RNF149: variants seen among roughly 807,000 people sequenced by gnomAD.
RNF149 encodes the protein ring finger protein 149.
A neutral mutation model predicts 39.0 loss-of-function variants in RNF149; 21 were observed. That is an observed-to-expected ratio of 0.54 (90% CI 0.38 to 0.77). The LOEUF (loss-of-function observed/expected upper bound fraction) is 0.77. Among genes scored for constraint, RNF149 ranks in the 30% least tolerant of loss-of-function variants. The pLI, the probability that RNF149 is intolerant of heterozygous loss-of-function variation, is 0.00. For missense variants in RNF149, 493 were observed against 534.9 expected, an observed-to-expected ratio of 0.92 and a Z score of 0.77; for synonymous variants, 209 against 213.6, an observed-to-expected ratio of 0.98 and a Z score of 0.19.
At chr2:101,275,431 CTTTTTTTTT>C (rs59154104), downstream of RNF149, among the ~76,000 whole-genome samples, 3 of 26,580 alleles carry the variant, frequency 1.1e-4, no homozygotes, top group Non-Finnish European at 1.9e-4. Flanking sequence ...CCTAGTATTT[CTTTTTTTTT>C]TTTTTTTTTT....
At chr2:101,301,085 A>G (rs1390038439) in intron 1 of RNF149, among the ~76,000 whole-genome samples, 1 of 152,204 alleles carries the variant, frequency 6.6e-6, no homozygotes, top group Non-Finnish European at 1.5e-5. Flanking sequence ...TGACAGAGAA[A>G]AAGCCCTTAG....
Position 101,286,196 on chromosome 2 carries a change from T to C in RNF149, c.864-19A>G. On this transcript the variant is annotated intron_variant, in intron 4 of 6. Transcript: ENST00000295317. Reference sequence around the variant, plus strand: ...AATATGCCTAAAAAGATTAAGTATGTGTTAATGTTTTTAAAATCAATGTTT... The same window carrying C: ...AATATGCCTAAAAAGATTAAGTATGCGTTAATGTTTTTAAAATCAATGTTT... 1 of 1,382,120 alleles carries C rather than the reference T, an allele frequency of 7.2e-7. No individual in the cohort carries two copies. The highest frequency in any genetic ancestry group is 1.0e-6 in the Non-Finnish European group (1 of 974,086). 85.6% of individuals were successfully genotyped at this position (1,382,120 alleles called of 1,614,324 possible). A position where few individuals can be genotyped will look rare whatever the true frequency, so the allele number is the denominator to read the frequency against.
intron 1 of RNF149, among the ~76,000 whole-genome samples, chr2:101,307,123 G>C (rs781208865): frequency 6.6e-6 from 1 of 152,216 alleles, no homozygotes; most frequent in African/African-American, 2.4e-5. Context: ...ACTGCCTGAA[G>C]ATACAACCTG....
At chr2:101,291,531 C>A (rs528188048) in intron 3 of RNF149, among the ~76,000 whole-genome samples, 1 of 152,178 alleles carries the variant, frequency 6.6e-6, no homozygotes, top group South Asian at 2.1e-4. Context: ...GATCCTCCTG[C>A]CTCAGTCTCC....
At position 101,281,888 on chromosome 2, in the gene RNF149, C is replaced by T; in HGVS notation, c.1130G>A (p.Gly377Glu). Residue 377 changes from glycine (G) to glutamate (E), a missense_variant, in exon 6 of 7, where the codon GGA becomes GAA. Gly to Glu is a moderately conservative substitution (Grantham distance 98). Coordinates refer to ENST00000295317, the MANE Select transcript of RNF149 (RefSeq NM_173647.4). ...SEPQCDPSFK[G>E]DAGENTALLE... ...CAATGCCGTATTTTCTCCTGCATCT[C>T]CTTTAAAGCTGGGATCACACTGTGG... 1 of 1,614,068 alleles carries T rather than the reference C, an allele frequency of 6.2e-7. No homozygotes were observed. The highest frequency in any genetic ancestry group is 8.5e-7 in the Non-Finnish European group (1 of 1,180,028).
At chr2:101,295,250 A>G in intron 1 of RNF149, 69 bp from the exon 2 acceptor site, 1 of 1,328,634 alleles carries the variant, frequency 7.5e-7, no homozygotes, top group Non-Finnish European at 1.1e-6. Flanking sequence ...TAAATTAAAT[A>G]TAAGGGTACT....
At chr2:101,304,255 G>C (rs1382650976) in intron 1 of RNF149, among the ~76,000 whole-genome samples, 1 of 152,100 alleles carries the variant, frequency 6.6e-6, no homozygotes, top group Non-Finnish European at 1.5e-5. Flanking sequence ...AAATTAGCCA[G>C]ACACGGTGGC....
At chr2:101,288,612 C>T (rs1682885380) in intron 4 of RNF149, 1 of 180,070 alleles carries the variant, frequency 5.6e-6, no homozygotes, top group Non-Finnish European at 1.2e-5. Context: ...TTCCCTTAGG[C>T]TGTTTCAGGC....
intron 1 of RNF149, among the ~76,000 whole-genome samples, chr2:101,298,065 A>G (rs978901687): frequency 2.6e-5 from 4 of 152,230 alleles, no homozygotes; most frequent in Non-Finnish European, 5.9e-5. Context: ...CTAAAAGTCC[A>G]TATCTCTTTG....
At chr2:101,307,651 G>C (rs1683720655) in intron 1 of RNF149, among the ~76,000 whole-genome samples, 1 of 152,138 alleles carries the variant, frequency 6.6e-6, no homozygotes, top group Non-Finnish European at 1.5e-5. Flanking sequence ...ACTCAGTTTA[G>C]AATATTCAGA....
chr2:101,305,702 G>A (rs371495969), intron 1 of RNF149, among the ~76,000 whole-genome samples: 1 of 152,144 alleles, frequency 6.6e-6, no homozygotes, highest in Non-Finnish European at 1.5e-5. Context: ...TGGGGTGAGG[G>A]GGGTATGAAC....
chr2:101,276,892 G>C lies in RNF149; in HGVS notation c.*346C>G. The stretch of plus-strand genomic sequence containing the variant: ...ATTGATGTGCTTTGCCAAAAACCTT[G>C]AAAAATAGAATTAACTGGTTTTTAC... On this transcript the variant is annotated 3_prime_UTR_variant, in exon 7 of 7. Transcript: ENST00000295317. The C allele has an allele frequency of 9.8e-7, 1 of 1,024,468 alleles. No individual in the cohort carries two copies. Among genetic ancestry groups the C allele is most frequent in the African/African-American group, 1.7e-5 (1 of 58,002 alleles). 63.5% of individuals were successfully genotyped at this position (1,024,468 alleles called of 1,614,324 possible).
chr2:101,291,837 A>AT (rs1558786468), intron 3 of RNF149, among the ~76,000 whole-genome samples: 1 of 152,196 alleles, frequency 6.6e-6, no homozygotes, highest in Admixed American at 6.5e-5. Flanking sequence ...AAGAAAACAC[A>AT]TTTTTTTGTA....
chr2:101,288,136 TAC>T (rs958863338), intron 4 of RNF149, among the ~76,000 whole-genome samples: 2 of 151,928 alleles, frequency 1.3e-5, no homozygotes, highest in African/African-American at 4.8e-5. Context: ...TAGCTGGGAT[TAC>T]AGTCATGAGC....
chr2:101,277,293 C>A lies in RNF149; in HGVS notation c.1160-12G>T, dbSNP rs374009738. ...ACTCCTGCCGGCTTCTGCAAGAGAG[C>A]AACATAAGCTACTCCATCAGAAGAG... On this transcript the variant is annotated splice_polypyrimidine_tract_variant and intron_variant, in intron 6 of 6. Coordinates refer to ENST00000295317, the MANE Select transcript of RNF149 (RefSeq NM_173647.4). 9.3e-6 allele frequency: 15 copies of A among 1,611,080 alleles called. No homozygotes were observed. The highest frequency in any genetic ancestry group is 1.3e-5 in the Non-Finnish European group (15 of 1,178,530).
chr2:101,298,358 G>C (rs1424385750), intron 1 of RNF149, among the ~76,000 whole-genome samples: 1 of 152,170 alleles, frequency 6.6e-6, no homozygotes, highest in Admixed American at 6.5e-5. Context: ...CTAGGAGGCA[G>C]AGGTTGCAGT....
In RNF149 at chr2:101,276,231, A is replaced by C. The variant is rs1682339303; in HGVS notation, c.*1007T>G. 9.1e-6 allele frequency: 9 copies of C among 985,206 alleles called. No homozygotes were observed. The highest frequency in any genetic ancestry group is 1.1e-5 in the Non-Finnish European group (9 of 829,850). 61.0% of individuals were successfully genotyped at this position (985,206 alleles called of 1,614,324 possible). On this transcript the variant is annotated 3_prime_UTR_variant, in exon 7 of 7. Transcript: ENST00000295317. ...CCTCCAAGAAGTGAAAAAATAGCAG[A>C]GTGTGTGTTTAATCACTTTTTAACA...
Position 101,276,151 on chromosome 2 carries a change from A to G in RNF149, c.*1087T>C. ...AAGATATACAGAATAACTAGGAGCA[A>G]GGAAAGACTATAATTCCACACTCTA... On this transcript the variant is annotated 3_prime_UTR_variant, in exon 7 of 7. Transcript: ENST00000295317. The G allele has an allele frequency of 3.1e-6, 3 of 973,668 alleles. No individual in the cohort carries two copies. Among genetic ancestry groups the G allele is most frequent in the Non-Finnish European group, 3.7e-6 (3 of 819,170 alleles). 60.3% of individuals were successfully genotyped at this position (973,668 alleles called of 1,614,324 possible). A position where few individuals can be genotyped will look rare whatever the true frequency, so the allele number is the denominator to read the frequency against.
chr2:101,288,230 CTTTTT>C (rs554652378), intron 4 of RNF149, among the ~76,000 whole-genome samples: 5 of 60,556 alleles, frequency 8.3e-5, no homozygotes, highest in South Asian at 7.3e-4. Flanking sequence ...GAAAGAAAAA[CTTTTT>C]TTTTTTTTTT....
Sources: gnomAD v4.1 joint callset for allele counts (sites outside exome capture counted in the v4.1 genomes callset) on GRCh38, gnomAD v4.1.1 for gene constraint, MANE v1.5 for transcripts, NCBI Gene and HGNC (gene_info 2026-07-23, HGNC 2026-07-21) for gene names.